Variants in STIM2 observed in about 807,000 individuals in gnomAD.
STIM2 encodes stromal interaction molecule 2.
STIM2 carries 31 observed loss-of-function variants against 85.8 expected under a neutral mutation model. The ratio of observed to expected loss-of-function variants is 0.36; its 90% CI spans 0.27 to 0.49. The LOEUF (loss-of-function observed/expected upper bound fraction) is 0.49. Among genes scored for constraint, STIM2 ranks in the 20% least tolerant of loss-of-function variants. The pLI is 0.98. For synonymous variants in STIM2, 356 were observed against 331.1 expected (o/e 1.08, Z -0.82); for missense variants, 841 against 927.6 (o/e 0.91, Z 1.21).
chr4:26,922,853 A>C (rs1438658640), intron 2 of STIM2, among the ~76,000 whole-genome samples: 1 of 152,116 alleles, frequency 6.6e-6, no homozygotes. Context: ...CAAAAGACTC[A>C]CCTATCAGGA....
chr4:26,960,834 C>G (rs57616127), intron 3 of STIM2, among the ~76,000 whole-genome samples: 1 of 151,900 alleles, frequency 6.6e-6, no homozygotes, highest in Non-Finnish European at 1.5e-5. Flanking sequence ...GAGGCCTAGG[C>G]GAGCAGAGCA....
chr4:26,884,744 C>G (rs1478122176), intron 1 of STIM2, among the ~76,000 whole-genome samples: 1 of 152,176 alleles, frequency 6.6e-6, no homozygotes, highest in African/African-American at 2.4e-5. Flanking sequence ...TGAGTACTTA[C>G]GTATATCAGG....
intron 3 of STIM2, among the ~76,000 whole-genome samples, chr4:26,991,199 G>A (rs865980842): frequency 6.6e-6 from 1 of 152,022 alleles, no homozygotes; most frequent in Non-Finnish European, 1.5e-5. Flanking sequence ...ATCATCAGGT[G>A]GATGGATAAA....
intron 3 of STIM2, among the ~76,000 whole-genome samples, chr4:26,992,234 A>T (rs1727793856): frequency 6.6e-6 from 1 of 152,178 alleles, no homozygotes; most frequent in Non-Finnish European, 1.5e-5. Context: ...CTTATTAATT[A>T]AACATGTTCT....
intron 1 of STIM2, among the ~76,000 whole-genome samples, chr4:26,880,105 C>A (rs554340744): frequency 4.6e-5 from 7 of 152,286 alleles, no homozygotes; most frequent in African/African-American, 1.7e-4. Context: ...TGCTGGCCTG[C>A]AAATTGCTGC....
chr4:26,935,599 C>A (rs1188408651), intron 2 of STIM2, among the ~76,000 whole-genome samples: 1 of 152,076 alleles, frequency 6.6e-6, no homozygotes, highest in South Asian at 2.1e-4. Context: ...TGAGCCCCAC[C>A]CCAACCCTAC....
At chr4:27,022,130 T>G (rs1311184441) in intron 11 of STIM2, among the ~76,000 whole-genome samples, 2 of 152,190 alleles carry the variant, frequency 1.3e-5, no homozygotes, top group East Asian at 3.9e-4. Flanking sequence ...AGGCAGTGAC[T>G]AAAATTCATC....
At chr4:26,950,172 A>G (rs976936680) in intron 2 of STIM2, among the ~76,000 whole-genome samples, 1 of 152,208 alleles carries the variant, frequency 6.6e-6, no homozygotes, top group Non-Finnish European at 1.5e-5. Context: ...AAAAAGAACC[A>G]GTGACAGCTA....
intron 11 of STIM2, chr4:27,019,504 T>C: frequency 7.8e-7 from 1 of 1,289,134 alleles, no homozygotes; most frequent in Non-Finnish European, 1.0e-6. Flanking sequence ...TAATAAAACT[T>C]CCTGCATTGA....
At position 26,873,834 on chromosome 4, in the gene STIM2, G is replaced by T. The variant is rs540432210; in HGVS notation, c.151+12465G>T. The T allele has an allele frequency of 4.2e-6, 4 of 963,294 alleles. No homozygotes were observed. In the South Asian group the frequency reaches 5.2e-5, roughly 13 times the overall value. 59.7% of individuals were successfully genotyped at this position (963,294 alleles called of 1,614,324 possible). A position where few individuals can be genotyped will look rare whatever the true frequency, so the allele number is the denominator to read the frequency against. ...AAGGCAGACTCCCGCCTCAACCGCC[G>T]TAGTGGGTGGGTACGTGAACCCATC... On this transcript the variant is annotated intron_variant, in intron 1 of 11. Transcript: ENST00000467087.
rs753589595 is a variant in STIM2, at chr4:26,861,266, G to A, written c.48G>A (p.Glu16=). 6 of 1,475,496 alleles carry A rather than the reference G, an allele frequency of 4.1e-6. No homozygotes were observed. The African/African-American group carries it at 5.8e-5, about 14-fold the overall frequency. 91.4% of individuals were successfully genotyped at this position (1,475,496 alleles called of 1,614,324 possible). The change falls in exon 1 of 12, where the codon GAG becomes GAA. Residue 16 remains glutamate (E), a synonymous_variant. Coordinates refer to ENST00000467087, the MANE Select transcript of STIM2 (RefSeq NM_020860.4). ...TAGCCGGAGCGGCGGACGGATGCGA[G>A]CTTGTGCCCCGGCACCTCCGCGGGC...
chr4:26,934,836 C>T (rs1725335382), intron 2 of STIM2, among the ~76,000 whole-genome samples: 1 of 150,806 alleles, frequency 6.6e-6, no homozygotes, highest in Non-Finnish European at 1.5e-5. Context: ...TCACTTGAAC[C>T]CGGGAGGTGG....
intron 1 of STIM2, among the ~76,000 whole-genome samples, chr4:26,889,298 T>C (rs531667363): frequency 6.6e-6 from 1 of 152,346 alleles, no homozygotes; most frequent in South Asian, 2.1e-4. Flanking sequence ...AAATCCATTC[T>C]ACCATTCTAT....
At chr4:26,984,342 G>A (rs1368878322) in intron 3 of STIM2, among the ~76,000 whole-genome samples, 1 of 152,092 alleles carries the variant, frequency 6.6e-6, no homozygotes, top group Non-Finnish European at 1.5e-5. Flanking sequence ...ATGATTTTGA[G>A]ACCCACTATT....
At chr4:26,981,362 T>C (rs1487976750) in intron 3 of STIM2, among the ~76,000 whole-genome samples, 1 of 152,242 alleles carries the variant, frequency 6.6e-6, no homozygotes, top group Non-Finnish European at 1.5e-5. Context: ...CCATACTTTC[T>C]TGGAGAAAAT....
At chr4:27,012,301 AAAG>A (rs1195425041) in intron 10 of STIM2, among the ~76,000 whole-genome samples, 6 of 152,130 alleles carry the variant, frequency 3.9e-5, no homozygotes, top group Non-Finnish European at 7.4e-5. Flanking sequence ...AAATTCCATG[AAAG>A]GTTCCATTGG....
chr4:27,011,778 G>A (rs1208572267), intron 10 of STIM2, among the ~76,000 whole-genome samples: 1 of 151,906 alleles, frequency 6.6e-6, no homozygotes, highest in Non-Finnish European at 1.5e-5. Flanking sequence ...TTCTTGCTGT[G>A]GAATCCCTGC....
chr4:27,015,447 T>C (rs1325799223), intron 10 of STIM2, among the ~76,000 whole-genome samples: 1 of 152,062 alleles, frequency 6.6e-6, no homozygotes, highest in Admixed American at 6.5e-5. Flanking sequence ...TCATTTCTTT[T>C]TTTTCTTTCT....
intron 2 of STIM2, among the ~76,000 whole-genome samples, chr4:26,928,198 A>G (rs1304159384): frequency 6.6e-6 from 1 of 152,036 alleles, no homozygotes; most frequent in African/African-American, 2.4e-5. Flanking sequence ...TGGTCCTATT[A>G]CCTCCCAGAA....
Sources: gnomAD v4.1 joint callset for allele counts (sites outside exome capture counted in the v4.1 genomes callset) on GRCh38, gnomAD v4.1.1 for gene constraint, MANE v1.5 for transcripts, NCBI Gene and HGNC (gene_info 2026-07-23, HGNC 2026-07-21) for gene names.